Variants in SLC8A1 observed in about 807,000 individuals in gnomAD.
SLC8A1 encodes the protein solute carrier family 8 member A1.
In SLC8A1, 18 loss-of-function variants were observed where a neutral mutation model predicts 68.3. The ratio of observed to expected loss-of-function variants is 0.26; its 90% CI spans 0.18 to 0.39. The LOEUF (loss-of-function observed/expected upper bound fraction) is 0.39. Ranked by LOEUF, SLC8A1 falls within the 10% of genes least tolerant of loss-of-function variation. The probability of loss-of-function intolerance (pLI) is 1.00; values close to 1 mark genes in which losing one functional copy is unlikely to be tolerated. For missense variants in SLC8A1, 985 were observed against 1,156.7 expected (o/e 0.85, Z 2.15); for synonymous variants, 475 against 415.5 (o/e 1.14, Z -1.74).
chr2:40,243,051 G>T (rs1487945539), intron 2 of SLC8A1, among the ~76,000 whole-genome samples: 1 of 152,186 alleles, frequency 6.6e-6, no homozygotes, highest in African/African-American at 2.4e-5. Context: ...AGTGTCTACT[G>T]AATGTCCAGT....
intron 2 of SLC8A1, among the ~76,000 whole-genome samples, chr2:40,217,973 T>G (rs1037362969): frequency 6.6e-6 from 1 of 152,114 alleles, no homozygotes; most frequent in African/African-American, 2.4e-5. Flanking sequence ...TGTGAAGGCA[T>G]GCATTTGCAT....
At chr2:40,419,024 G>T (rs1212606722) in intron 2 of SLC8A1, among the ~76,000 whole-genome samples, 1 of 152,216 alleles carries the variant, frequency 6.6e-6, no homozygotes, top group Non-Finnish European at 1.5e-5. Flanking sequence ...CTTTAGGGGT[G>T]ACTAAACATA....
At chr2:40,446,381 T>C (rs1334221667) in intron 1 of SLC8A1, 1 of 152,322 alleles carries the variant, frequency 6.6e-6, no homozygotes, top group East Asian at 1.9e-4. Context: ...AATGAAAGGG[T>C]CTAGAAACTG....
chr2:40,144,755 G>A (rs1383289114), intron 6 of SLC8A1, among the ~76,000 whole-genome samples: 1 of 152,202 alleles, frequency 6.6e-6, no homozygotes, highest in East Asian at 1.9e-4. Flanking sequence ...GGGGATCATG[G>A]TGTGACTGTT....
intron 2 of SLC8A1, among the ~76,000 whole-genome samples, chr2:40,199,879 G>A (rs533520176): frequency 1.8e-4 from 27 of 151,422 alleles, no homozygotes; most frequent in African/African-American, 6.5e-4. Flanking sequence ...TTTGGCAAAG[G>A]CAAGACTCTC....
chr2:40,364,661 A>G (rs1675566861), intron 2 of SLC8A1, among the ~76,000 whole-genome samples: 1 of 152,014 alleles, frequency 6.6e-6, no homozygotes, highest in South Asian at 2.1e-4. Flanking sequence ...GTACTACTAT[A>G]TCCATCCATT....
At chr2:40,127,747 C>T (rs987661959) in intron 7 of SLC8A1, among the ~76,000 whole-genome samples, 120 of 152,138 alleles carry the variant, frequency 7.9e-4, no homozygotes, top group African/African-American at 2.8e-3. Flanking sequence ...CCCTGGGCTC[C>T]AGAGAGGCAG....
intron 2 of SLC8A1, among the ~76,000 whole-genome samples, chr2:40,259,308 T>G (rs1301482461): frequency 6.6e-6 from 1 of 152,194 alleles, no homozygotes; most frequent in East Asian, 1.9e-4. Flanking sequence ...ATTTGAGTCT[T>G]CACTGTTTTC....
At chr2:40,243,463 A>C (rs558988275) in intron 2 of SLC8A1, among the ~76,000 whole-genome samples, 5 of 152,330 alleles carry the variant, frequency 3.3e-5, no homozygotes, top group African/African-American at 1.2e-4. Context: ...AACCTTGGTG[A>C]CAAAGTGAGA....
At chr2:40,235,233 C>A (rs1372451991) in intron 2 of SLC8A1, among the ~76,000 whole-genome samples, 3 of 152,102 alleles carry the variant, frequency 2.0e-5, no homozygotes, top group Non-Finnish European at 2.9e-5. Context: ...TGGTCCTGGA[C>A]TCTTTTTGGT....
At chr2:40,321,797 AC>A (rs2149342480) in intron 2 of SLC8A1, among the ~76,000 whole-genome samples, 1 of 152,234 alleles carries the variant, frequency 6.6e-6, no homozygotes, top group South Asian at 2.1e-4. Context: ...TATGGGAACT[AC>A]AATTCAAGAT....
chr2:40,391,157 A>G (rs1289135028), intron 2 of SLC8A1, among the ~76,000 whole-genome samples: 2 of 97,398 alleles, frequency 2.1e-5, no homozygotes, highest in Admixed American at 1.1e-4. Context: ...ATATATATAT[A>G]AATATATATG....
chr2:40,148,395 T>A (rs1363534471), intron 6 of SLC8A1, among the ~76,000 whole-genome samples: 1 of 152,208 alleles, frequency 6.6e-6, no homozygotes, highest in Non-Finnish European at 1.5e-5. Flanking sequence ...AACACTCTCA[T>A]AACTCTTTTC....
chr2:40,323,086 G>A (rs1288856547), intron 2 of SLC8A1, among the ~76,000 whole-genome samples: 2 of 152,064 alleles, frequency 1.3e-5, no homozygotes, highest in Non-Finnish European at 2.9e-5. Context: ...CAGAAGGTAG[G>A]AGCATTTACA....
intron 1 of SLC8A1, among the ~76,000 whole-genome samples, chr2:40,482,785 A>C (rs1430811318): frequency 1.4e-5 from 2 of 146,176 alleles, no homozygotes; most frequent in African/African-American, 5.0e-5. Flanking sequence ...AGCCACAGTT[A>C]GCACTTTTTT....
chr2:40,274,524 A>C (rs1191926407), intron 2 of SLC8A1, among the ~76,000 whole-genome samples: 2 of 152,132 alleles, frequency 1.3e-5, no homozygotes, highest in African/African-American at 2.4e-5. Context: ...GTGTACACTT[A>C]TGCAACTCTT....
intron 2 of SLC8A1, among the ~76,000 whole-genome samples, chr2:40,305,675 T>C (rs927284343): frequency 3.3e-5 from 5 of 152,200 alleles, no homozygotes; most frequent in Non-Finnish European, 5.9e-5. Context: ...GACTGTCTAA[T>C]AGAAAAGACA....
chr2:40,154,301 T>TC (rs1351002028), intron 6 of SLC8A1, among the ~76,000 whole-genome samples: 3 of 6,130 alleles, frequency 4.9e-4, no homozygotes, highest in Non-Finnish European at 1.2e-3. Context: ...TATTTATTCT[T>TC]TTTTTTTTTT....
At chr2:40,219,099 A>G (rs1039045564) in intron 2 of SLC8A1, among the ~76,000 whole-genome samples, 1 of 152,040 alleles carries the variant, frequency 6.6e-6, no homozygotes, top group African/African-American at 2.4e-5. Context: ...AGGGAAGACT[A>G]CATGTAGGAT....
Sources: gnomAD v4.1 joint callset for allele counts (sites outside exome capture counted in the v4.1 genomes callset) on GRCh38, gnomAD v4.1.1 for gene constraint, MANE v1.5 for transcripts, NCBI Gene and HGNC (gene_info 2026-07-23, HGNC 2026-07-21) for gene names.